The following TXLNG variants were observed in gnomAD, a reference collection of about 807,000 sequenced individuals.
TXLNG encodes taxilin gamma.
TXLNG carries 5 observed loss-of-function variants against 38.8 expected under a neutral mutation model. The ratio of observed to expected loss-of-function variants is 0.13; its 90% CI spans 0.07 to 0.27. The LOEUF is 0.27. Among genes scored for constraint, TXLNG ranks in the 10% least tolerant of loss-of-function variants. The probability of loss-of-function intolerance (pLI) is 1.00; values close to 1 mark genes in which losing one functional copy is unlikely to be tolerated. For synonymous variants in TXLNG, 182 were observed against 158.2 expected (o/e 1.15, Z -1.13); for missense variants, 393 against 398.2 (o/e 0.99, Z 0.11).
intron 1 of TXLNG, among the ~76,000 whole-genome samples, chrX:16,807,052 C>T (rs372204944): frequency 2.2e-4 from 25 of 111,424 alleles, no homozygotes; most frequent in African/African-American, 8.1e-4. Flanking sequence ...CCACTGCACT[C>T]CAGCCTGGGT....
chrX:16,792,329 C>T (rs1400521768), intron 1 of TXLNG, among the ~76,000 whole-genome samples: 1 of 111,744 alleles, frequency 8.9e-6, no homozygotes, highest in Non-Finnish European at 1.9e-5. Flanking sequence ...TTCTAATGCC[C>T]AGGAAGTTTC....
At chrX:16,841,105 G>T (rs1304619447) in intron 9 of TXLNG, among the ~76,000 whole-genome samples, 1 of 108,822 alleles carries the variant, frequency 9.2e-6, no homozygotes, top group African/African-American at 3.4e-5. Context: ...TGAGGCAGGA[G>T]AATCACCTCA....
intron 1 of TXLNG, among the ~76,000 whole-genome samples, chrX:16,810,932 C>T (rs777894819): frequency 4.7e-4 from 53 of 111,984 alleles, no homozygotes; most frequent in African/African-American, 7.4e-4. Context: ...CTACCCACCT[C>T]GGCCCCCCAA....
At chrX:16,818,250 A>G (rs1928814022) in intron 1 of TXLNG, among the ~76,000 whole-genome samples, 1 of 111,513 alleles carries the variant, frequency 9.0e-6, no homozygotes, top group South Asian at 3.8e-4. Flanking sequence ...ATATTCATTA[A>G]CTGGGGACAG....
rs144167748 is a variant in TXLNG at position 16,802,056 on chromosome X, C to T, written c.102+15467C>T. 9.9e-3 allele frequency among the ~76,000 whole-genome samples: 1,021 copies of T among 103,273 alleles called. 13 individuals are homozygous for T. Among genetic ancestry groups the T allele is most frequent in the African/African-American group, 0.035 (985 of 27,877 alleles). The allele number at this position is 103,273 out of a possible 115,157, so 89.7% of individuals were successfully genotyped here. ...GCAACCTCTGCCTCCTGGGTTCACA[C>T]GATTCTCCTGCCTCAGCCTCCCGAG... On this transcript the variant is annotated intron_variant, in intron 1 of 9. Coordinates refer to ENST00000380122, the MANE Select transcript of TXLNG (RefSeq NM_018360.3).
intron 1 of TXLNG, among the ~76,000 whole-genome samples, chrX:16,806,683 C>T (rs1928338321): frequency 9.1e-6 from 1 of 110,114 alleles, no homozygotes; most frequent in African/African-American, 3.3e-5. Flanking sequence ...TTTGGGAGGC[C>T]GAGGCCAGTG....
chrX:16,830,830 CGTGTGTGTGTGTGTGTGTGTGTGTGT>C (rs1186714021), intron 5 of TXLNG, among the ~76,000 whole-genome samples: 3 of 37,937 alleles, frequency 7.9e-5, no homozygotes, highest in East Asian at 1.7e-3. Flanking sequence ...ACCGTAATTC[CGTGTGTGTGTGTGTGTGTGTGTGTGT>C]GTGTGTGTGT....
At chrX:16,795,545 C>G (rs1223635327) in intron 1 of TXLNG, among the ~76,000 whole-genome samples, 1 of 111,856 alleles carries the variant, frequency 8.9e-6, no homozygotes, top group Non-Finnish European at 1.9e-5. Flanking sequence ...TCCCTCATCC[C>G]TTAGTTTAGC....
chrX:16,795,668 A>G (rs1486721227), intron 1 of TXLNG, among the ~76,000 whole-genome samples: 2 of 112,018 alleles, frequency 1.8e-5, no homozygotes, highest in Non-Finnish European at 3.8e-5. Flanking sequence ...GCTCCCAGGT[A>G]GTAGTTAGGA....
intron 1 of TXLNG, among the ~76,000 whole-genome samples, chrX:16,800,963 A>G (rs1928064674): frequency 9.0e-6 from 1 of 111,090 alleles, no homozygotes; most frequent in Admixed American, 9.6e-5. Flanking sequence ...TGATAGTTCT[A>G]GCGAGATCTG....
intron 9 of TXLNG, among the ~76,000 whole-genome samples, chrX:16,840,725 TTG>T (rs1929770289): frequency 9.0e-6 from 1 of 110,972 alleles, no homozygotes; most frequent in Non-Finnish European, 1.9e-5. Flanking sequence ...TGAGCTGAGA[TTG>T]CACCACTGCA....
intron 2 of TXLNG, 22 bp downstream of exon 2, chrX:16,818,899 G>T: frequency 8.5e-7 from 1 of 1,169,996 alleles, no homozygotes; most frequent in South Asian, 2.0e-5. Context: ...TTCAGTGGTT[G>T]GACGTTTCAC....
rs1389465090 is a variant in TXLNG at position 16,843,689 on chromosome X, G to A, written c.*1923G>A. On this transcript the variant is annotated 3_prime_UTR_variant, in exon 10 of 10. Coordinates refer to ENST00000380122, the MANE Select transcript of TXLNG (RefSeq NM_018360.3). ...CCCACCACGTTTCTTTGTGGTGCTT[G>A]TCCTGTGTGGAAGATTGTAAATCTT... is the stretch of plus-strand genomic sequence containing the variant. 8.9e-6 allele frequency: 1 copy of A among 112,130 alleles called. No homozygotes were observed. The highest frequency in any genetic ancestry group is 2.8e-4 in the East Asian group (1 of 3,601). The allele number at this position is 112,130 out of a possible 1,213,427, so 9.2% of individuals were successfully genotyped here.
chrX:16,812,270 A>G (rs1415385453), intron 1 of TXLNG, among the ~76,000 whole-genome samples: 13 of 109,750 alleles, frequency 1.2e-4, no homozygotes, highest in Admixed American at 1.2e-3. Context: ...CGGCCTCCCA[A>G]AGTGCTGGGA....
chrX:16,842,339 T>G lies in TXLNG; in HGVS notation c.*573T>G, dbSNP rs925372201. On this transcript the variant is annotated 3_prime_UTR_variant, in exon 10 of 10. Coordinates refer to ENST00000380122, the MANE Select transcript of TXLNG (RefSeq NM_018360.3). ...TGAGATGGCCACATGCCTAGAATCC[T>G]AAGTTTCGGCAGAATATGTATATAA... 2.7e-5 allele frequency: 3 copies of G among 112,197 alleles called. No individual in the cohort carries two copies. The highest frequency in any genetic ancestry group is 5.6e-5 in the Non-Finnish European group (3 of 53,579). 9.2% of individuals were successfully genotyped at this position (112,197 alleles called of 1,213,427 possible).
At chrX:16,816,522 T>C (rs908267945) in intron 1 of TXLNG, among the ~76,000 whole-genome samples, 1 of 112,516 alleles carries the variant, frequency 8.9e-6, no homozygotes, top group African/African-American at 3.2e-5. Flanking sequence ...TGAGAAACAT[T>C]GCTCTATAGA....
intron 1 of TXLNG, among the ~76,000 whole-genome samples, chrX:16,809,885 T>C (rs1311676234): frequency 8.9e-6 from 1 of 112,113 alleles, no homozygotes; most frequent in East Asian, 2.8e-4. Context: ...GGAGCATCTC[T>C]TCCCATTATT....
rs758535331 is a variant in TXLNG, at chrX:16,842,869, GTCT to G, written c.*1104_*1106del. ...TCATGATCTGTTACTTACGTGTTCA[GTCT>G]GTTTTCTCACCCCCTTCTTAGTTAC... On this transcript the variant is annotated 3_prime_UTR_variant, in exon 10 of 10. Coordinates refer to ENST00000380122, the MANE Select transcript of TXLNG (RefSeq NM_018360.3). 2.7e-5 allele frequency: 3 copies of G among 112,116 alleles called. No individual in the cohort carries two copies. Among genetic ancestry groups the G allele is most frequent in the Non-Finnish European group, 5.6e-5 (3 of 53,244 alleles). 9.2% of individuals were successfully genotyped at this position (112,116 alleles called of 1,213,427 possible).
intron 3 of TXLNG, among the ~76,000 whole-genome samples, chrX:16,821,488 G>C (rs369307184): frequency 1.8e-5 from 2 of 112,044 alleles, no homozygotes; most frequent in African/African-American, 6.5e-5. Flanking sequence ...TTGAATTGAA[G>C]AATGGGAAAA....
Sources: gnomAD v4.1 joint callset for allele counts (sites outside exome capture counted in the v4.1 genomes callset) on GRCh38, gnomAD v4.1.1 for gene constraint, MANE v1.5 for transcripts, NCBI Gene and HGNC (gene_info 2026-07-23, HGNC 2026-07-21) for gene names.